Variants in SAMD5 observed in about 807,000 individuals in gnomAD.
SAMD5 encodes the protein sterile alpha motif domain containing 5.
Under a neutral mutation model 11.3 loss-of-function variants are expected in SAMD5, and 13 were observed. The observed-to-expected ratio is 1.15, with a 90% confidence interval of 0.75 to 1.83. SAMD5 has a LOEUF of 1.83. Among genes scored for constraint, SAMD5 ranks in the 40% most tolerant of loss-of-function variants. SAMD5 has a pLI of 0.00. For synonymous variants in SAMD5, 129 were observed against 111.3 expected (o/e 1.16, Z -1.00); for missense variants, 255 against 239.1 (o/e 1.07, Z -0.44).
At chr6:147,690,964 C>T (rs1034908565) in intron 1 of SAMD5, among the ~76,000 whole-genome samples, 5 of 100,572 alleles carry the variant, frequency 5.0e-5, no homozygotes, top group East Asian at 6.6e-4. Context: ...TTCCAGCTCT[C>T]GGGTTTTTTT....
the SAMD5 span, among the ~76,000 whole-genome samples, chr6:147,786,020 T>TA: frequency 0.033 from 4,997 of 152,302 alleles, 125 homozygotes; most frequent in Non-Finnish European, 0.049. Flanking sequence ...CAACTCTGTT[T>TA]AATCTCCCGC....
intron 1 of SAMD5, among the ~76,000 whole-genome samples, chr6:147,663,812 AGAG>A (rs139679980): frequency 0.29 from 34,980 of 120,990 alleles, 6,282 homozygotes; most frequent in Non-Finnish European, 0.43. Flanking sequence ...AAAAAAAAAA[AGAG>A]AGAGAAAGAA....
intron 1 of SAMD5, among the ~76,000 whole-genome samples, chr6:147,563,396 G>A (rs188598860): frequency 6.6e-6 from 1 of 152,220 alleles, no homozygotes; most frequent in Admixed American, 6.5e-5. Flanking sequence ...TAGAGACTAG[G>A]AAAACAAAAC....
the SAMD5 span, among the ~76,000 whole-genome samples, chr6:147,849,526 G>A: frequency 6.6e-6 from 1 of 152,094 alleles, no homozygotes; most frequent in African/African-American, 2.4e-5. Context: ...AGTACTGTTA[G>A]TATTGCATTA....
chr6:147,587,672 G>C (rs1017756792), intron 1 of SAMD5, among the ~76,000 whole-genome samples: 1 of 152,100 alleles, frequency 6.6e-6, no homozygotes, highest in Admixed American at 6.6e-5. Context: ...ATGCCAACAG[G>C]GATATGCTTT....
At chr6:147,889,559 T>C in the SAMD5 span, among the ~76,000 whole-genome samples, 1 of 152,248 alleles carries the variant, frequency 6.6e-6, no homozygotes, top group Non-Finnish European at 1.5e-5. Context: ...ACCTTATTGG[T>C]TGCTGGATAT....
Position 147,509,316 on chromosome 6 carries a change from C to A in SAMD5, c.388C>A (p.Leu130Met). The A allele has an allele frequency of 6.3e-7, 1 of 1,581,622 alleles. No individual in the cohort carries two copies. Among genetic ancestry groups the A allele is most frequent in the South Asian group, 1.2e-5 (1 of 86,752 alleles). Residue 130 changes from leucine (L) to methionine (M), a missense_variant, in exon 1 of 2, where the codon CTG becomes ATG. Leu to Met is a conservative substitution (Grantham distance 15). Coordinates refer to ENST00000367474, the MANE Select transcript of SAMD5 (RefSeq NM_001030060.3). ...GCTGGTGAGCTACCCCAAACTGAAG[C>A]TGAAGATCATGATCAGGGATAAGCT... ...RELVSYPKLK[L>M]KIMIRDKLVR...
At chr6:147,836,568 A>G in the SAMD5 span, among the ~76,000 whole-genome samples, 1 of 152,212 alleles carries the variant, frequency 6.6e-6, no homozygotes, top group Admixed American at 6.5e-5. Context: ...AGTATTGAAT[A>G]TGTCATGTAA....
the SAMD5 span, among the ~76,000 whole-genome samples, chr6:147,804,968 G>A: frequency 6.6e-6 from 1 of 152,204 alleles, no homozygotes; most frequent in Non-Finnish European, 1.5e-5. Flanking sequence ...ACTACCTATG[G>A]TGAGTTAAAA....
At chr6:147,561,712 T>C (rs945849182) in intron 1 of SAMD5, among the ~76,000 whole-genome samples, 1 of 152,056 alleles carries the variant, frequency 6.6e-6, no homozygotes, top group South Asian at 2.1e-4. Flanking sequence ...TCTGTAATAG[T>C]TGTCTTCAGC....
the SAMD5 span, among the ~76,000 whole-genome samples, chr6:147,937,984 G>A: frequency 8.3e-4 from 127 of 152,216 alleles, no homozygotes; most frequent in African/African-American, 2.6e-3. Context: ...GAAAATTCAT[G>A]GTTGATTAAG....
chr6:147,936,603 G>A, the SAMD5 span, among the ~76,000 whole-genome samples: 4 of 152,068 alleles, frequency 2.6e-5, no homozygotes, highest in Non-Finnish European at 5.9e-5. Context: ...CTCCAATACT[G>A]GGGATTTCAA....
chr6:147,661,052 A>G (rs1219182342), intron 1 of SAMD5, among the ~76,000 whole-genome samples: 1 of 152,196 alleles, frequency 6.6e-6, no homozygotes, highest in Non-Finnish European at 1.5e-5. Context: ...TCAGGAGTAT[A>G]TAAATCTCCA....
the SAMD5 span, among the ~76,000 whole-genome samples, chr6:147,942,522 T>C: frequency 6.6e-6 from 1 of 152,242 alleles, no homozygotes; most frequent in Non-Finnish European, 1.5e-5. Context: ...AGGGCATTCT[T>C]CGCTGTGTGG....
intron 1 of SAMD5, among the ~76,000 whole-genome samples, chr6:147,713,700 G>A (rs1244344674): frequency 6.6e-6 from 1 of 152,134 alleles, no homozygotes; most frequent in Non-Finnish European, 1.5e-5. Context: ...AGAGTATGGG[G>A]TAGAAGCTGA....
At chr6:147,620,761 T>C (rs186819809) in intron 1 of SAMD5, among the ~76,000 whole-genome samples, 101 of 152,330 alleles carry the variant, frequency 6.6e-4, no homozygotes, top group Non-Finnish European at 1.1e-3. Context: ...CCTCAGGGGC[T>C]GTACAAAGAG....
chr6:147,785,453 A>C, the SAMD5 span, among the ~76,000 whole-genome samples: 5 of 152,052 alleles, frequency 3.3e-5, no homozygotes, highest in Non-Finnish European at 7.4e-5. Context: ...TTTCCTTCCT[A>C]AACCCTCCTA....
chr6:147,818,057 A>G, the SAMD5 span, among the ~76,000 whole-genome samples: 2 of 152,258 alleles, frequency 1.3e-5, no homozygotes, highest in Non-Finnish European at 2.9e-5. Context: ...CTTCTAGTGC[A>G]TATCACATTA....
At chr6:147,813,504 T>C in the SAMD5 span, among the ~76,000 whole-genome samples, 1 of 152,210 alleles carries the variant, frequency 6.6e-6, no homozygotes, top group Non-Finnish European at 1.5e-5. Flanking sequence ...ATCTTTAAGA[T>C]AAATAATATT....
Sources: gnomAD v4.1 joint callset for allele counts (sites outside exome capture counted in the v4.1 genomes callset) on GRCh38, gnomAD v4.1.1 for gene constraint, MANE v1.5 for transcripts, NCBI Gene and HGNC (gene_info 2026-07-23, HGNC 2026-07-21) for gene names.